The following MALRD1 variants were observed in gnomAD, a reference collection of about 807,000 sequenced individuals.
The protein encoded by MALRD1 is MAM and LDL receptor class A domain containing 1.
Under a neutral mutation model 242.1 loss-of-function variants are expected in MALRD1, and 247 were observed. The ratio of observed to expected loss-of-function variants is 1.02; its 90% CI spans 0.92 to 1.13. The LOEUF (loss-of-function observed/expected upper bound fraction) is 1.13, where lower values mean the gene tolerates loss of function less well. Ranked by LOEUF, MALRD1 falls within the 50% of genes most tolerant of loss-of-function variation. The pLI, the probability that MALRD1 is intolerant of heterozygous loss-of-function variation, is 0.00. For synonymous variants in MALRD1, 995 were observed against 866.6 expected, an observed-to-expected ratio of 1.15 and a Z score of -2.60; for missense variants, 2,989 against 2,533.1, an observed-to-expected ratio of 1.18 and a Z score of -3.86.
intron 17 of MALRD1, among the ~76,000 whole-genome samples, chr10:19,208,513 T>G (rs1341875453): frequency 1.3e-5 from 2 of 152,144 alleles, no homozygotes; most frequent in Admixed American, 1.3e-4. Context: ...ATACTGCCAT[T>G]GAAGGATTGT....
Position 19,734,215 on chromosome 10 carries a change from C to A in MALRD1, c.6449C>A (p.Thr2150Asn), listed in dbSNP as rs532743047. 1.3e-6 allele frequency: 2 copies of A among 1,535,920 alleles called. No homozygotes were observed. The highest frequency in any genetic ancestry group is 1.4e-5 in the African/African-American group (1 of 73,138). ...GGCACAACATCAGGAAGCCTGGAGA[C>A]CCTGTCACATCATCTCAAATAGCAG... is the stretch of plus-strand genomic sequence containing the variant. Reference protein sequence around the residue: ...LYGTTSGSLETLSHHLK With the variant: ...LYGTTSGSLENLSHHLK Residue 2150 changes from threonine to asparagine, a missense_variant, in exon 40 of 40, where the codon ACC becomes AAC. Coordinates refer to ENST00000454679, the MANE Select transcript of MALRD1 (RefSeq NM_001142308.3).
At chr10:19,439,844 C>T (rs1321303046) in intron 28 of MALRD1, among the ~76,000 whole-genome samples, 1 of 152,144 alleles carries the variant, frequency 6.6e-6, no homozygotes, top group Non-Finnish European at 1.5e-5. Context: ...CCATAGGCAA[C>T]CTTTCTAATG....
chr10:19,441,801 T>C (rs1589079259), intron 28 of MALRD1, among the ~76,000 whole-genome samples: 1 of 132,412 alleles, frequency 7.6e-6, no homozygotes, highest in Non-Finnish European at 1.6e-5. Flanking sequence ...CTTAGGATTG[T>C]CTTGACAATG....
chr10:19,488,536 G>A (rs920950615), intron 29 of MALRD1: 11 of 153,442 alleles, frequency 7.2e-5, no homozygotes, highest in African/African-American at 2.6e-4. Flanking sequence ...TGAATCATAA[G>A]TTTGGGCAGC....
chr10:19,149,123 T>TCTATCTAA lies in MALRD1; in HGVS notation c.1558+2782_1558+2783insTCTAACTA, dbSNP rs1554798087. ...ATCTATCTATCTATCTATCTATCTA[T>TCTATCTAA]CTAACTAGCTGAGACAGAGTCTCAC... On this transcript the variant is annotated intron_variant, in intron 11 of 39. Coordinates refer to ENST00000454679, the MANE Select transcript of MALRD1 (RefSeq NM_001142308.3). 3.0e-4 allele frequency among the ~76,000 whole-genome samples: 45 copies of TCTATCTAA among 150,090 alleles called. No homozygotes were observed. The South Asian group carries it at 7.8e-3, about 26-fold the overall frequency.
At chr10:19,490,120 T>C (rs1029490225) in intron 29 of MALRD1, among the ~76,000 whole-genome samples, 2 of 152,176 alleles carry the variant, frequency 1.3e-5, no homozygotes, top group Admixed American at 6.5e-5. Flanking sequence ...ATATAGGTTT[T>C]TAGATTTTTG....
intron 18 of MALRD1, among the ~76,000 whole-genome samples, chr10:19,244,163 T>G (rs1325805836): frequency 1.3e-5 from 2 of 152,086 alleles, no homozygotes; most frequent in Admixed American, 1.3e-4. Context: ...TCCTACCACA[T>G]CACATCATGT....
intron 25 of MALRD1, among the ~76,000 whole-genome samples, chr10:19,350,073 A>G (rs923348045): frequency 1.3e-5 from 2 of 152,222 alleles, no homozygotes; most frequent in Admixed American, 6.5e-5. Context: ...GGTCTTCTAT[A>G]TTAAAAATAT....
intron 18 of MALRD1, among the ~76,000 whole-genome samples, chr10:19,211,619 T>C (rs1837072214): frequency 7.9e-6 from 1 of 127,364 alleles, no homozygotes; most frequent in African/African-American, 3.0e-5. Context: ...CCCAGGAGGC[T>C]GAAGTTGCAG....
At chr10:19,503,455 T>G (rs1392679209) in intron 31 of MALRD1, among the ~76,000 whole-genome samples, 1 of 152,224 alleles carries the variant, frequency 6.6e-6, no homozygotes, top group Non-Finnish European at 1.5e-5. Flanking sequence ...ATGAGCCTTT[T>G]TGGAGACATT....
chr10:19,304,357 C>T (rs1440461554), intron 21 of MALRD1, among the ~76,000 whole-genome samples: 1 of 151,628 alleles, frequency 6.6e-6, no homozygotes, highest in Non-Finnish European at 1.5e-5. Flanking sequence ...CTCTCTCTGC[C>T]TCTCTGTATC....
chr10:19,343,444 A>T (rs964802096), intron 24 of MALRD1, among the ~76,000 whole-genome samples: 19 of 152,268 alleles, frequency 1.2e-4, no homozygotes, highest in Non-Finnish European at 2.4e-4. Context: ...GCCACAATCA[A>T]GATACTCCAT....
At chr10:19,672,616 G>T (rs940034067) in intron 36 of MALRD1, among the ~76,000 whole-genome samples, 1 of 151,814 alleles carries the variant, frequency 6.6e-6, no homozygotes, top group African/African-American at 2.4e-5. Context: ...TAGAGAAGGG[G>T]TTTTGCCATG....
intron 38 of MALRD1, chr10:19,710,326 C>G (rs917612388): frequency 6.6e-6 from 1 of 151,826 alleles, no homozygotes; most frequent in Admixed American, 6.6e-5. Context: ...CATGATGAAC[C>G]CTTTTTAAAA....
At chr10:19,467,346 C>T (rs1836267369) in intron 29 of MALRD1, among the ~76,000 whole-genome samples, 2 of 98,022 alleles carry the variant, frequency 2.0e-5, no homozygotes, top group Admixed American at 2.7e-4. Context: ...CAGAGTGAGA[C>T]TCCGCCACTG....
At position 19,177,342 on chromosome 10, in the gene MALRD1, T is replaced by C. The variant is rs554257646; in HGVS notation, c.1951+2014T>C. 7.8e-4 allele frequency among the ~76,000 whole-genome samples: 118 copies of C among 152,176 alleles called. 1 individual carries two copies. The highest frequency in any genetic ancestry group is 1.6e-3 in the Admixed American group (25 of 15,284). On this transcript the variant is annotated intron_variant, in intron 14 of 39. Coordinates refer to ENST00000454679, the MANE Select transcript of MALRD1 (RefSeq NM_001142308.3). ...AAACAGGATTACCTTATTTTTGTTG[T>C]TTAATTAAAGATTTTCTTTCTCTTA...
At chr10:19,131,229 G>A (rs1394495741) in intron 8 of MALRD1, among the ~76,000 whole-genome samples, 1 of 152,146 alleles carries the variant, frequency 6.6e-6, no homozygotes, top group East Asian at 1.9e-4. Flanking sequence ...ATCTTTCCAT[G>A]AATAGAATGC....
intron 38 of MALRD1, among the ~76,000 whole-genome samples, chr10:19,703,801 AG>A (rs750547739): frequency 1.3e-5 from 2 of 152,204 alleles, no homozygotes; most frequent in Non-Finnish European, 2.9e-5. Flanking sequence ...GGGCTGAGGC[AG>A]GAGAACCACT....
intron 24 of MALRD1, among the ~76,000 whole-genome samples, chr10:19,338,812 C>A (rs191711503): frequency 3.8e-3 from 569 of 150,970 alleles, no homozygotes; most frequent in Non-Finnish European, 6.3e-3. Context: ...TTATAGTCAC[C>A]CTGATGTGCT....
Sources: allele counts gnomAD v4.1 joint callset (sites outside exome capture counted in the v4.1 genomes callset), GRCh38; gene constraint gnomAD v4.1.1; transcripts MANE v1.5; gene names NCBI Gene and HGNC (gene_info 2026-07-23, HGNC 2026-07-21).